GALNTL6: variants seen among roughly 807,000 people sequenced by gnomAD.
The protein encoded by GALNTL6 is polypeptide N-acetylgalactosaminyltransferase like 6.
GALNTL6 carries 46 observed loss-of-function variants against 73.7 expected under a neutral mutation model. That is an observed-to-expected ratio of 0.62 (90% CI 0.49 to 0.80). The LOEUF (loss-of-function observed/expected upper bound fraction) is 0.80, where lower values mean the gene tolerates loss of function less well. Ranked by LOEUF, GALNTL6 falls within the 30% of genes least tolerant of loss-of-function variation. The pLI, the probability that GALNTL6 is intolerant of heterozygous loss-of-function variation, is 0.00. For synonymous variants in GALNTL6, 259 were observed against 263.7 expected (o/e 0.98, Z 0.17); for missense variants, 604 against 755.0 (o/e 0.80, Z 2.34).
chr4:172,701,738 G>T (rs990784090), intron 5 of GALNTL6, among the ~76,000 whole-genome samples: 1 of 151,972 alleles, frequency 6.6e-6, no homozygotes, highest in Non-Finnish European at 1.5e-5. Flanking sequence ...TTTAAAATGG[G>T]TTCAGTACCT....
chr4:172,947,581 A>ACT (rs1561049853), intron 9 of GALNTL6, among the ~76,000 whole-genome samples: 18 of 67,180 alleles, frequency 2.7e-4, no homozygotes, highest in African/African-American at 7.0e-4. Context: ...CCCCTTGATA[A>ACT]ATTTTTTTTT....
At chr4:171,957,293 A>G (rs1267794014) in intron 2 of GALNTL6, among the ~76,000 whole-genome samples, 2 of 152,216 alleles carry the variant, frequency 1.3e-5, no homozygotes, top group African/African-American at 4.8e-5. Context: ...TGCTTTTACA[A>G]TGTGGGTTAT....
chr4:172,363,270 T>C (rs1742439616), intron 5 of GALNTL6, among the ~76,000 whole-genome samples: 1 of 152,180 alleles, frequency 6.6e-6, no homozygotes, highest in South Asian at 2.1e-4. Flanking sequence ...CTTTCTGTGT[T>C]TTTTCTTCTA....
chr4:171,852,300 G>A (rs2110862816), intron 2 of GALNTL6, among the ~76,000 whole-genome samples: 1 of 152,148 alleles, frequency 6.6e-6, no homozygotes, highest in South Asian at 2.1e-4. Flanking sequence ...AGCAGCTGAT[G>A]CCCTTCTTTT....
In GALNTL6 at chr4:172,970,150, G is replaced by A. The variant is rs1013253812; in HGVS notation, c.1371+17892G>A. Among the ~76,000 whole-genome samples the A allele has an allele frequency of 3.3e-5, 5 of 152,156 alleles. No individual in the cohort carries two copies. The East Asian group carries it at 5.8e-4, about 18-fold the overall frequency. On this transcript the variant is annotated intron_variant, in intron 10 of 12. Transcript: ENST00000506823. ...ACAAAGTTCACATGCTTCTAAGGCC[G>A]ATAAAGATCACAAGGCAAAGGGCAA...
At chr4:172,586,791 A>G (rs1737427768) in intron 5 of GALNTL6, among the ~76,000 whole-genome samples, 1 of 152,244 alleles carries the variant, frequency 6.6e-6, no homozygotes. Flanking sequence ...AATAACAGAC[A>G]GTACTTGAAC....
chr4:172,063,495 T>C (rs1444763894), intron 2 of GALNTL6, among the ~76,000 whole-genome samples: 1 of 152,208 alleles, frequency 6.6e-6, no homozygotes, highest in Non-Finnish European at 1.5e-5. Context: ...GCTTTTATTT[T>C]TTGGTTTTGT....
chr4:172,156,789 G>A (rs1227702218), intron 2 of GALNTL6, among the ~76,000 whole-genome samples: 1 of 151,660 alleles, frequency 6.6e-6, no homozygotes, highest in Non-Finnish European at 1.5e-5. Context: ...GGGTGCGGGG[G>A]AAGCCTCAGT....
chr4:173,022,904 CT>C (rs1354583893), intron 12 of GALNTL6, among the ~76,000 whole-genome samples: 1 of 152,104 alleles, frequency 6.6e-6, no homozygotes, highest in East Asian at 1.9e-4. Context: ...AAATTCTTTG[CT>C]TTTGGGGATA....
chr4:173,022,102 G>GGAAA (rs1174518485), intron 12 of GALNTL6, among the ~76,000 whole-genome samples: 7 of 131,130 alleles, frequency 5.3e-5, no homozygotes, highest in South Asian at 2.5e-4. Flanking sequence ...AAGGAAGGAA[G>GGAAA]GAAGGAAAGA....
chr4:171,962,843 T>C (rs962260146), intron 2 of GALNTL6, among the ~76,000 whole-genome samples: 14 of 144,402 alleles, frequency 9.7e-5, no homozygotes, highest in Admixed American at 2.8e-4. Context: ...CTCAGCTCAC[T>C]ACAACCTTGA....
rs369223088 is a variant in GALNTL6 at position 172,615,803 on chromosome 4, T to C, written c.554-193558T>C. ...ACATTCAAATTCATTTTTGCAGACC[T>C]TTTAATTAGATACAGTGATCTAAAA... is the stretch of plus-strand genomic sequence containing the variant. On this transcript the variant is annotated intron_variant, in intron 5 of 12. Transcript: ENST00000506823. Among the ~76,000 whole-genome samples, 60 of 152,292 alleles carry C rather than the reference T, an allele frequency of 3.9e-4. No individual in the cohort carries two copies. The East Asian group carries it at 6.9e-3, about 18-fold the overall frequency.
chr4:172,181,369 CAT>C (rs1735237718), intron 2 of GALNTL6, among the ~76,000 whole-genome samples: 1 of 152,202 alleles, frequency 6.6e-6, no homozygotes, highest in Non-Finnish European at 1.5e-5. Flanking sequence ...GAAAAAGTCA[CAT>C]GATTATCTCA....
At chr4:172,177,718 TATGTGTGTATATATATATACAC>T (rs1403379911) in intron 2 of GALNTL6, among the ~76,000 whole-genome samples, 1 of 149,230 alleles carries the variant, frequency 6.7e-6, no homozygotes, top group Admixed American at 6.7e-5. Context: ...GTTTACTTAG[TATGTGTGTATATATATATACAC>T]ATGTGTATAT....
chr4:172,209,913 A>G (rs1736269250), intron 2 of GALNTL6, among the ~76,000 whole-genome samples: 1 of 152,124 alleles, frequency 6.6e-6, no homozygotes. Context: ...AATTAAAATG[A>G]ATAGTTTATC....
intron 5 of GALNTL6, among the ~76,000 whole-genome samples, chr4:172,631,117 TG>T (rs749115428): frequency 5.9e-5 from 9 of 151,942 alleles, no homozygotes; most frequent in East Asian, 1.9e-4. Context: ...AACACAGGGT[TG>T]TTTTTTTTTA....
intron 5 of GALNTL6, among the ~76,000 whole-genome samples, chr4:172,625,844 G>T (rs986368938): frequency 6.6e-6 from 1 of 151,920 alleles, no homozygotes; most frequent in African/African-American, 2.4e-5. Context: ...ATCTGTTCAT[G>T]TCTTTTGACT....
At chr4:172,844,170 G>A (rs955062327) in intron 7 of GALNTL6, among the ~76,000 whole-genome samples, 25 of 152,182 alleles carry the variant, frequency 1.6e-4, no homozygotes, top group African/African-American at 3.1e-4. Context: ...GGCTCATACC[G>A]CGTACATTGA....
At chr4:172,446,986 C>G (rs890654244) in intron 5 of GALNTL6, among the ~76,000 whole-genome samples, 3 of 152,080 alleles carry the variant, frequency 2.0e-5, no homozygotes, top group African/African-American at 4.8e-5. Flanking sequence ...TTTACTCATT[C>G]CACATATATT....
Sources: gnomAD v4.1 joint callset for allele counts (sites outside exome capture counted in the v4.1 genomes callset) on GRCh38, gnomAD v4.1.1 for gene constraint, MANE v1.5 for transcripts, NCBI Gene and HGNC (gene_info 2026-07-23, HGNC 2026-07-21) for gene names.